Variants in UNC13D observed in about 807,000 individuals in gnomAD.
UNC13D encodes protein unc-13 homolog D.
A neutral mutation model predicts 151.7 loss-of-function variants in UNC13D; 115 were observed. The observed-to-expected ratio is 0.76, with a 90% confidence interval of 0.65 to 0.88. The LOEUF (loss-of-function observed/expected upper bound fraction) is 0.88, where lower values mean the gene tolerates loss of function less well. Among genes scored for constraint, UNC13D ranks in the 40% least tolerant of loss-of-function variants. The probability of loss-of-function intolerance (pLI) is 0.00; values close to 1 mark genes in which losing one functional copy is unlikely to be tolerated. For synonymous variants in UNC13D, 588 were observed against 612.2 expected (o/e 0.96, Z 0.58); for missense variants, 1,369 against 1,438.7 (o/e 0.95, Z 0.78).
At chr17:75,843,290 G>C in intron 2 of UNC13D, 24 bp from the exon 3 acceptor site, 1 of 1,602,604 alleles carries the variant, frequency 6.2e-7, no homozygotes, top group Admixed American at 1.7e-5. Flanking sequence ...GGTCACCTTG[G>C]GGACCCCACC....
chr17:75,834,078 C>T lies in UNC13D; in HGVS notation c.2364G>A (p.Glu788=), dbSNP rs1343492074. The T allele has an allele frequency of 1.9e-5, 31 of 1,613,738 alleles. No homozygotes were observed. The East Asian group carries it at 3.1e-4, about 16-fold the overall frequency. The change falls in exon 24 of 32, where the codon GAG becomes GAA. Residue 788 remains glutamate (E), a synonymous_variant. Coordinates refer to ENST00000207549, the MANE Select transcript of UNC13D (RefSeq NM_199242.3). ...LVGVRESVLP[E]DAILPLMKFL... ...AGCAGGCAGAAGGGCCACTTACATC[C>T]TCAGGCAGGACAGACTCCCTGACGC...
At chr17:75,828,287 T>C (rs1410526353) in intron 31 of UNC13D, among the ~76,000 whole-genome samples, 4 of 152,176 alleles carry the variant, frequency 2.6e-5, no homozygotes, top group African/African-American at 9.7e-5. Context: ...ACAGACAGAG[T>C]GCTGCTGGGA....
In UNC13D at chr17:75,830,140, G is replaced by A. The variant is rs757354369; in HGVS notation, c.2842C>T (p.Pro948Ser). The A allele has an allele frequency of 6.9e-6, 11 of 1,589,778 alleles. No homozygotes were observed. Among genetic ancestry groups the A allele is most frequent in the Admixed American group, 5.3e-5 (3 of 56,636 alleles). ...GGCTCCAAGGTCAGCTGGACAAAGG[G>A]GTCGCTGGAGCCTGGTAAGTGGCCG... ...LPLDSNGSSD[P>S]FVQLTLEPRH... The change falls in exon 30 of 32, where the codon CCC (proline) becomes TCC (serine). Residue 948 changes from proline (P) to serine (S), a missense_variant. This residue lies in a region of UNC13D where 807 missense variants were observed against 795.5 expected (regional missense o/e 1.01). Coordinates refer to ENST00000207549, the MANE Select transcript of UNC13D (RefSeq NM_199242.3).
chr17:75,836,002 A>G lies in UNC13D; in HGVS notation c.1544+10T>C. 1 of 1,614,120 alleles carries G rather than the reference A, an allele frequency of 6.2e-7. No homozygotes were observed. The highest frequency in any genetic ancestry group is 8.5e-7 in the Non-Finnish European group (1 of 1,180,016). ...TGCCCCACTACCTCCCGACCTGGCT[A>G]TCTGCTCACTTGTGGAAGATCTTGT... On this transcript the variant is annotated intron_variant, in intron 17 of 31. Transcript: ENST00000207549.
rs560344060 is a variant in UNC13D, at chr17:75,827,233, G to A, written c.*732C>T. 9 of 384,910 alleles carry A rather than the reference G, an allele frequency of 2.3e-5. No individual in the cohort carries two copies. The South Asian group carries it at 7.8e-4, about 33-fold the overall frequency. The allele number at this position is 384,910 out of a possible 1,614,324, so 23.8% of individuals were successfully genotyped here. A position where few individuals can be genotyped will look rare whatever the true frequency, so the allele number is the denominator to read the frequency against. ...TGTAGGCCAAAGGCATATTTTAAGA[G>A]GACAATGGATTTGTTTTTATTAATT... is the stretch of plus-strand genomic sequence containing the variant. On this transcript the variant is annotated 3_prime_UTR_variant, in exon 32 of 32. Coordinates refer to ENST00000207549, the MANE Select transcript of UNC13D (RefSeq NM_199242.3).
At chr17:75,838,775 G>A (rs2143888194) in intron 12 of UNC13D, among the ~76,000 whole-genome samples, 1 of 152,322 alleles carries the variant, frequency 6.6e-6, no homozygotes, top group South Asian at 2.1e-4. Context: ...GATGGGCAGA[G>A]GCACACACAT....
At position 75,828,812 on chromosome 17, in the gene UNC13D, C is replaced by T; in HGVS notation, c.3126G>A (p.Leu1042=). The stretch of plus-strand genomic sequence containing the variant: ...CGTTGGGTGCGGGGTACGTGAGGGG[C>T]AGGCGGGTCTGAGGCACCTCACCAG... ...EEPGEVPQTR[L]PLTYPAPNGD... is the part of the protein sequence containing the mutation. The change falls in exon 31 of 32, where the codon CTG becomes CTA. Residue 1042 remains leucine, a synonymous_variant. Transcript: ENST00000207549. 1 of 1,556,684 alleles carries T rather than the reference C, an allele frequency of 6.4e-7. No individual in the cohort carries two copies. The highest frequency in any genetic ancestry group is 8.7e-7 in the Non-Finnish European group (1 of 1,152,862).
At position 75,833,722 on chromosome 17, in the gene UNC13D, C is replaced by T. The variant is rs2064887747; in HGVS notation, c.2367+353G>A. On this transcript the variant is annotated intron_variant, in intron 24 of 31. Transcript: ENST00000207549. The surrounding 1 kb of genome is among the most constrained non-coding windows in gnomAD (Gnocchi z 4.0). ...TGGTGAATGAATGAATATCCTTCTACCCGCCAGTCGAAGGTGTGCATCATG... is the reference window on the plus strand; with the variant it reads ...TGGTGAATGAATGAATATCCTTCTATCCGCCAGTCGAAGGTGTGCATCATG... Among the ~76,000 whole-genome samples the T allele has an allele frequency of 6.6e-6, 1 of 152,184 alleles. No individual in the cohort carries two copies. The highest frequency in any genetic ancestry group is 6.5e-5 in the Admixed American group (1 of 15,278).
rs1037729939 is a variant in UNC13D at position 75,830,627 on chromosome 17, G to A, written c.2660C>T (p.Ser887Phe). ...LQRDLELQAASSRELIRKYFC... is the reference protein window; with the variant it reads ...LQRDLELQAAFSRELIRKYFC... Reference sequence around the variant, plus strand: ...GTACTTCCGGATGAGTTCCCGGCTGGAGGCCGCCTGCAGCTCCAGGTCCCT... The same window carrying A: ...GTACTTCCGGATGAGTTCCCGGCTGAAGGCCGCCTGCAGCTCCAGGTCCCT... The change falls in exon 28 of 32, where the codon TCC becomes TTC. Residue 887 changes from serine (S) to phenylalanine (F), a missense_variant. By Grantham distance (155) the Ser-to-Phe change is radical. Transcript: ENST00000207549. 14 of 1,556,544 alleles carry A rather than the reference G, an allele frequency of 9.0e-6. No homozygotes were observed. Among genetic ancestry groups the A allele is most frequent in the African/African-American group, 1.4e-5 (1 of 73,406 alleles).
chr17:75,834,251 G>A (rs1284506564), intron 23 of UNC13D, 74 bp downstream of exon 23: 17 of 1,583,690 alleles, frequency 1.1e-5, no homozygotes, highest in Non-Finnish European at 1.5e-5. Flanking sequence ...GTTGGACCTT[G>A]GCCCAGGTGC....
At position 75,840,162 on chromosome 17, in the gene UNC13D, C is replaced by A; in HGVS notation, c.859-52G>T. 1.9e-6 allele frequency: 3 copies of A among 1,611,348 alleles called. No individual in the cohort carries two copies. Among genetic ancestry groups the A allele is most frequent in the Non-Finnish European group, 2.5e-6 (3 of 1,178,650 alleles). On this transcript the variant is annotated intron_variant, in intron 10 of 31. Transcript: ENST00000207549. The surrounding 1 kb of genome is among the most constrained non-coding windows in gnomAD (Gnocchi z 4.6). ...AGGGCCTCACACTGGGTGCAGCCAG[C>A]CCCGCAACCCAGCAGACCGCCGCAA...
At chr17:75,829,432 A>G (rs2062145306) in intron 30 of UNC13D, among the ~76,000 whole-genome samples, 1 of 151,520 alleles carries the variant, frequency 6.6e-6, no homozygotes, top group Admixed American at 6.6e-5. Context: ...AGTAGCTGGG[A>G]CTGCAGGCGT....
At chr17:75,841,442 C>A (rs988748674) in intron 6 of UNC13D, among the ~76,000 whole-genome samples, 2 of 110,404 alleles carry the variant, frequency 1.8e-5, no homozygotes, top group Non-Finnish European at 3.6e-5. Flanking sequence ...CGCGCCCAGC[C>A]TTTTTTTTTT....
chr17:75,836,991 T>TG (rs1203791200), intron 12 of UNC13D, 73 bp from the exon 13 acceptor site: 4 of 991,560 alleles, frequency 4.0e-6, no homozygotes, highest in Non-Finnish European at 5.4e-6. Context: ...CGGCCTCAGG[T>TG]GGGGGGAATC....
rs760766927 is a variant in UNC13D, at chr17:75,827,978, C to T, written c.3260G>A (p.Arg1087Gln). 58 of 1,605,908 alleles carry T rather than the reference C, an allele frequency of 3.6e-5. No individual in the cohort carries two copies. The highest frequency in any genetic ancestry group is 1.9e-4 in the Middle Eastern group (1 of 5,282). Residue 1087 changes from arginine to glutamine, a missense_variant, in exon 32 of 32, where the codon CGG (arginine) becomes CAG (glutamine). Coordinates refer to ENST00000207549, the MANE Select transcript of UNC13D (RefSeq NM_199242.3). ...RAKQASQHAL[R>Q]PAP ...AAACCTCTACGGCTACGGTGCCGGC[C>T]GCAAGGCATGCTGGGAGGCCTGCTT...
rs371940934 is a variant in UNC13D at position 75,828,927 on chromosome 17, A to G, written c.3011T>C (p.Leu1004Pro). The G allele has an allele frequency of 1.2e-6, 2 of 1,606,690 alleles. No homozygotes were observed. The highest frequency in any genetic ancestry group is 1.7e-6 in the Non-Finnish European group (2 of 1,179,800). The change falls in exon 31 of 32, where the codon CTG becomes CCG. Residue 1004 changes from leucine (L) to proline (P), a missense_variant. Leu to Pro is a moderately conservative substitution (Grantham distance 98). Around this residue, in one of 3 missense-constraint regions of UNC13D, gnomAD observed 807 missense variants for 795.5 expected, o/e 1.01. Coordinates refer to ENST00000207549, the MANE Select transcript of UNC13D (RefSeq NM_199242.3). ...GTCGGCCCCCAGCGTGTCGTAGTCC[A>G]GCACGGTGAGCAGGAGGCATGCCCC... ...KAGACLLLTV[L>P]DYDTLGADDL...
intron 12 of UNC13D, among the ~76,000 whole-genome samples, 174 bp downstream of exon 12, chr17:75,839,665 A>C (rs1053850835): frequency 5.9e-5 from 9 of 152,142 alleles, no homozygotes; most frequent in African/African-American, 2.2e-4. Flanking sequence ...GAGCCACCGC[A>C]TCAGCCGAAT....
chr17:75,833,156 G>T lies in UNC13D; in HGVS notation c.2368-111C>A. 9.2e-7 allele frequency: 1 copy of T among 1,084,028 alleles called. No homozygotes were observed. Among genetic ancestry groups the T allele is most frequent in the Non-Finnish European group, 1.4e-6 (1 of 733,098 alleles). The allele number at this position is 1,084,028 out of a possible 1,614,324, so 67.2% of individuals were successfully genotyped here. ...CAGGGCTGGGAACCGTTCTGTGAGA[G>T]CAGTTTGTAGTGTCTGTAAGAGGCC... On this transcript the variant is annotated intron_variant, in intron 24 of 31. Transcript: ENST00000207549. This position sits in a 1 kb window ranked among gnomAD's most constrained non-coding sequence, Gnocchi z 4.0.
chr17:75,835,359 G>A, intron 20 of UNC13D, 50 bp downstream of exon 20: 1 of 1,598,892 alleles, frequency 6.3e-7, no homozygotes, highest in South Asian at 1.1e-5. Flanking sequence ...CAGAACCCAA[G>A]CCTCACCCCC....
Sources: allele counts gnomAD v4.1 joint callset (sites outside exome capture counted in the v4.1 genomes callset), GRCh38; gene constraint gnomAD v4.1.1; regional missense constraint gnomAD v4.1.1; non-coding constraint Gnocchi (gnomAD v3.1); transcripts MANE v1.5; gene names NCBI Gene and HGNC (gene_info 2026-07-23, HGNC 2026-07-21).